RAB8B: variants seen among roughly 807,000 people sequenced by gnomAD.
RAB8B encodes RAB8B, member RAS oncogene family, also known as ras-related protein Rab-8B.
Under a neutral mutation model 32.0 loss-of-function variants are expected in RAB8B, and 11 were observed. The observed-to-expected ratio is 0.34, with a 90% CI of 0.22 to 0.57. RAB8B has a LOEUF of 0.57. Among genes scored for constraint, RAB8B ranks in the 20% least tolerant of loss-of-function variants. RAB8B has a pLI of 0.86. For missense variants in RAB8B, 190 were observed against 258.5 expected, an observed-to-expected ratio of 0.73 and a Z score of 1.82; for synonymous variants, 103 against 89.6, an observed-to-expected ratio of 1.15 and a Z score of -0.85.
intron 3 of RAB8B, 35 bp from the exon 4 acceptor site, chr15:63,255,472 A>C: frequency 7.2e-7 from 1 of 1,386,462 alleles, no homozygotes. Flanking sequence ...TTAAATATAT[A>C]AAGTACTAAA....
At chr15:63,223,095 AC>A in intron 1 of RAB8B, 1 of 451,824 alleles carries the variant, frequency 2.2e-6, no homozygotes, top group Non-Finnish European at 4.4e-6. Context: ...ATATAGGTAT[AC>A]CATTTTTATT....
At chr15:63,261,929 G>T (rs58829535) in intron 6 of RAB8B, among the ~76,000 whole-genome samples, 1 of 152,170 alleles carries the variant, frequency 6.6e-6, no homozygotes. Context: ...TTATCACGAA[G>T]ATTAATCAGA....
At chr15:63,196,613 AATGAACGG>A (rs2037602135) in intron 1 of RAB8B, among the ~76,000 whole-genome samples, 1 of 152,244 alleles carries the variant, frequency 6.6e-6, no homozygotes, top group Non-Finnish European at 1.5e-5. Context: ...ACATTGGATG[AATGAACGG>A]ATGAAGGGAT....
intron 1 of RAB8B, among the ~76,000 whole-genome samples, chr15:63,196,886 C>G (rs1192403143): frequency 1.3e-5 from 2 of 152,004 alleles, no homozygotes; most frequent in African/African-American, 2.4e-5. Flanking sequence ...GTTTTAACAC[C>G]CAGCTTCCAA....
At position 63,212,233 on chromosome 15, in the gene RAB8B, C is replaced by A. The variant is rs192282373; in HGVS notation, c.124+22485C>A. On this transcript the variant is annotated intron_variant, in intron 1 of 7. Transcript: ENST00000321437. ...ACAAGCAGAGCATGCTGAACTAGTT[C>A]GCAGCAAAAAACAAACAACGAAAAC... Among the ~76,000 whole-genome samples, 12 of 152,192 alleles carry A rather than the reference C, an allele frequency of 7.9e-5. No homozygotes were observed. In the East Asian group the frequency reaches 2.3e-3, roughly 29 times the overall value.
At chr15:63,210,770 C>A (rs889725979) in intron 1 of RAB8B, among the ~76,000 whole-genome samples, 2 of 152,148 alleles carry the variant, frequency 1.3e-5, no homozygotes, top group African/African-American at 4.8e-5. Flanking sequence ...GTGGGCAAGG[C>A]CCATTCTTGG....
intron 1 of RAB8B, among the ~76,000 whole-genome samples, chr15:63,243,691 T>C (rs575301993): frequency 9.2e-5 from 14 of 152,120 alleles, no homozygotes; most frequent in African/African-American, 3.4e-4. Flanking sequence ...TCTCAGAATT[T>C]GGGGAAGGGG....
At chr15:63,231,590 A>G (rs1595743202) in intron 1 of RAB8B, among the ~76,000 whole-genome samples, 1 of 152,234 alleles carries the variant, frequency 6.6e-6, no homozygotes, top group East Asian at 1.9e-4. Context: ...TCAGAATTCA[A>G]ACAAGGAAAT....
chr15:63,202,975 C>T (rs2037665702), intron 1 of RAB8B, among the ~76,000 whole-genome samples: 8 of 152,182 alleles, frequency 5.3e-5, no homozygotes, highest in Admixed American at 4.6e-4. Flanking sequence ...CTCTCTTAGC[C>T]TTTATAGTCT....
At chr15:63,240,259 C>T (rs2038021133) in intron 1 of RAB8B, among the ~76,000 whole-genome samples, 2 of 152,112 alleles carry the variant, frequency 1.3e-5, no homozygotes, top group South Asian at 4.1e-4. Flanking sequence ...GATGTTGGCA[C>T]AGTATCCTGG....
chr15:63,217,527 T>G (rs1276143328), intron 1 of RAB8B, among the ~76,000 whole-genome samples: 2 of 152,208 alleles, frequency 1.3e-5, no homozygotes, highest in Non-Finnish European at 2.9e-5. Context: ...GGAGAGTCAC[T>G]TATGGCCATT....
intron 1 of RAB8B, among the ~76,000 whole-genome samples, chr15:63,228,216 T>C (rs2037905573): frequency 6.6e-6 from 1 of 152,068 alleles, no homozygotes; most frequent in South Asian, 2.1e-4. Context: ...AGGGTCTCCT[T>C]TGTGGCCCAA....
intron 1 of RAB8B, among the ~76,000 whole-genome samples, chr15:63,207,231 G>A (rs1567009765): frequency 6.6e-6 from 1 of 152,204 alleles, no homozygotes. Flanking sequence ...AACTCCGCGA[G>A]TGCACATATC....
chr15:63,193,597 G>T (rs926122117), intron 1 of RAB8B, among the ~76,000 whole-genome samples: 1 of 152,152 alleles, frequency 6.6e-6, no homozygotes, highest in Non-Finnish European at 1.5e-5. Context: ...GGATCACAAG[G>T]TCAGGAGATT....
intron 1 of RAB8B, among the ~76,000 whole-genome samples, chr15:63,235,593 G>A (rs149073782): frequency 1.5e-4 from 23 of 151,204 alleles, no homozygotes; most frequent in African/African-American, 5.6e-4. Context: ...GTAACATTGA[G>A]TATTATCCTT....
At chr15:63,234,040 G>C (rs11858666) in intron 1 of RAB8B, among the ~76,000 whole-genome samples, 82,133 of 151,956 alleles carry the variant, frequency 0.54, 23,549 homozygotes, top group East Asian at 0.8. Flanking sequence ...CAGTGGGAAC[G>C]AGGTATAGAA....
Position 63,263,842 on chromosome 15 carries a change from C to T in RAB8B, c.*223C>T. The T allele has an allele frequency of 4.4e-6, 2 of 451,836 alleles. No homozygotes were observed. Among genetic ancestry groups the T allele is most frequent in the Non-Finnish European group, 3.9e-6 (1 of 253,542 alleles). 28.0% of individuals were successfully genotyped at this position (451,836 alleles called of 1,614,324 possible). On this transcript the variant is annotated 3_prime_UTR_variant, in exon 8 of 8. Coordinates refer to ENST00000321437, the MANE Select transcript of RAB8B (RefSeq NM_016530.3). The stretch of plus-strand genomic sequence containing the variant: ...GGAAGCAATGAAGTGGAGACACATG[C>T]AGGACCTAACTCGTTTTTTCCTTGT...
intron 1 of RAB8B, among the ~76,000 whole-genome samples, chr15:63,209,751 CT>C (rs879523185): frequency 3.7e-4 from 54 of 145,468 alleles, no homozygotes; most frequent in African/African-American, 6.0e-4. Flanking sequence ...GCTCGTTTAT[CT>C]TTTTTTTTTT....
At chr15:63,250,106 G>A (rs180752328) in intron 3 of RAB8B, among the ~76,000 whole-genome samples, 8 of 152,254 alleles carry the variant, frequency 5.3e-5, no homozygotes, top group East Asian at 3.9e-4. Context: ...ACTGCAGTCC[G>A]CAGTCTGGCC....
Sources: gnomAD v4.1 joint callset for allele counts (sites outside exome capture counted in the v4.1 genomes callset) on GRCh38, gnomAD v4.1.1 for gene constraint, MANE v1.5 for transcripts, NCBI Gene and HGNC (gene_info 2026-07-23, HGNC 2026-07-21) for gene names.